NPAS3: variants seen among roughly 807,000 people sequenced by gnomAD.
The protein encoded by NPAS3 is neuronal PAS domain protein 3, also known as neuronal PAS domain-containing protein 3.
A neutral mutation model predicts 73.1 loss-of-function variants in NPAS3; 14 were observed. That is an observed-to-expected ratio of 0.19 (90% CI 0.13 to 0.30). The LOEUF (loss-of-function observed/expected upper bound fraction) is 0.30, where lower values mean the gene tolerates loss of function less well. Ranked by LOEUF, NPAS3 falls within the 10% of genes least tolerant of loss-of-function variation. The probability of loss-of-function intolerance (pLI) is 1.00; values close to 1 mark genes in which losing one functional copy is unlikely to be tolerated. For synonymous variants in NPAS3, 620 were observed against 541.5 expected, an observed-to-expected ratio of 1.14 and a Z score of -2.01; for missense variants, 1,096 against 1,250.0, an observed-to-expected ratio of 0.88 and a Z score of 1.86.
chr14:32,953,586 A>T (rs559422228), intron 1 of NPAS3, among the ~76,000 whole-genome samples: 2 of 152,234 alleles, frequency 1.3e-5, no homozygotes, highest in Non-Finnish European at 1.5e-5. Flanking sequence ...TATGTCAAGA[A>T]TTGTGAAGGA....
intron 3 of NPAS3, among the ~76,000 whole-genome samples, chr14:33,226,582 T>C (rs767516305): frequency 6.6e-6 from 1 of 152,184 alleles, no homozygotes; most frequent in African/African-American, 2.4e-5. Flanking sequence ...TATAACATAA[T>C]ATAATTTTCA....
chr14:33,680,223 A>T (rs1404862244), intron 6 of NPAS3, among the ~76,000 whole-genome samples: 1 of 152,164 alleles, frequency 6.6e-6, no homozygotes, highest in Non-Finnish European at 1.5e-5. Flanking sequence ...ATGCCTTTTA[A>T]ATGCTTAGTA....
intron 3 of NPAS3, among the ~76,000 whole-genome samples, chr14:33,349,071 T>C (rs1306967854): frequency 1.3e-5 from 2 of 152,176 alleles, no homozygotes; most frequent in East Asian, 3.9e-4. Flanking sequence ...GGGAGTTCTG[T>C]TGAGGACGGA....
At chr14:33,039,448 C>A (rs1049817470) in intron 1 of NPAS3, among the ~76,000 whole-genome samples, 1 of 152,140 alleles carries the variant, frequency 6.6e-6, no homozygotes, top group Non-Finnish European at 1.5e-5. Context: ...TTGCTCCCCA[C>A]CCCCTCTTGG....
chr14:33,563,805 A>G (rs2139774797), intron 5 of NPAS3, among the ~76,000 whole-genome samples: 1 of 152,260 alleles, frequency 6.6e-6, no homozygotes, highest in East Asian at 1.9e-4. Context: ...TCTAGCTATA[A>G]TGGAACAGGC....
At chr14:33,354,840 G>A (rs894363239) in intron 3 of NPAS3, among the ~76,000 whole-genome samples, 2 of 152,054 alleles carry the variant, frequency 1.3e-5, no homozygotes, top group Non-Finnish European at 2.9e-5. Context: ...CCCTCTCTAC[G>A]GTCTTACTTA....
chr14:33,708,121 C>T lies in NPAS3; in HGVS notation c.734-27093C>T, dbSNP rs80124985. Reference sequence around the variant, plus strand: ...CAGCTGGCCACCACCAGCACCTCACCGTGTTCATGGCTGCAGCAGCTGCCC... The same window carrying T: ...CAGCTGGCCACCACCAGCACCTCACTGTGTTCATGGCTGCAGCAGCTGCCC... On this transcript the variant is annotated intron_variant, in intron 6 of 11. Coordinates refer to ENST00000356141, the Ensembl canonical transcript of NPAS3. 4.2e-3 allele frequency among the ~76,000 whole-genome samples: 636 copies of T among 152,256 alleles called. 30 individuals are homozygous for T. In the East Asian group the frequency reaches 0.096, roughly 23 times the overall value.
At chr14:33,205,986 T>C (rs995304988) in intron 2 of NPAS3, among the ~76,000 whole-genome samples, 3 of 152,210 alleles carry the variant, frequency 2.0e-5, no homozygotes, top group Non-Finnish European at 4.4e-5. Flanking sequence ...TTGGGACTTA[T>C]AGCAATTAAC....
chr14:33,185,841 A>G (rs1262273492), intron 2 of NPAS3, among the ~76,000 whole-genome samples: 4 of 152,226 alleles, frequency 2.6e-5, no homozygotes, highest in Non-Finnish European at 4.4e-5. Context: ...GCTAAATAAT[A>G]CAACTGACTA....
intron 5 of NPAS3, chr14:33,585,918 T>C (rs1308502930): frequency 2.0e-5 from 3 of 152,122 alleles, no homozygotes; most frequent in Non-Finnish European, 4.4e-5. Context: ...TTTATGCCTT[T>C]TTAGTTTTAT....
intron 5 of NPAS3, among the ~76,000 whole-genome samples, chr14:33,614,381 A>AT (rs1230239706): frequency 1.3e-5 from 2 of 152,334 alleles, no homozygotes; most frequent in East Asian, 3.9e-4. Flanking sequence ...TGAGAACTAT[A>AT]TTTGTGTAGA....
At chr14:33,624,150 T>C (rs894099063) in intron 5 of NPAS3, among the ~76,000 whole-genome samples, 1 of 152,232 alleles carries the variant, frequency 6.6e-6, no homozygotes, top group African/African-American at 2.4e-5. Flanking sequence ...TACCATGTAA[T>C]TCAGTTATTG....
intron 4 of NPAS3, among the ~76,000 whole-genome samples, chr14:33,397,846 A>G (rs1215248888): frequency 1.3e-5 from 2 of 152,146 alleles, no homozygotes; most frequent in South Asian, 4.1e-4. Flanking sequence ...AAGGCACTTG[A>G]TCGGATGCTT....
At chr14:33,686,283 G>A (rs571318028) in intron 6 of NPAS3, among the ~76,000 whole-genome samples, 6 of 152,330 alleles carry the variant, frequency 3.9e-5, no homozygotes, top group South Asian at 4.1e-4. Flanking sequence ...GCAAAGGTGC[G>A]TGCTTGTCCA....
chr14:33,675,781 T>C (rs575273402), intron 5 of NPAS3, among the ~76,000 whole-genome samples: 16 of 152,256 alleles, frequency 1.1e-4, no homozygotes, highest in Middle Eastern at 3.2e-3. Context: ...AACACTCGAC[T>C]GCTATCTCTG....
intron 4 of NPAS3, among the ~76,000 whole-genome samples, chr14:33,494,926 A>T (rs1374510227): frequency 6.6e-6 from 1 of 152,048 alleles, no homozygotes; most frequent in Non-Finnish European, 1.5e-5. Flanking sequence ...GCCATGCACA[A>T]CCCGCAGAGT....
chr14:33,774,925 A>T (rs1027915862), intron 8 of NPAS3, among the ~76,000 whole-genome samples: 2 of 152,196 alleles, frequency 1.3e-5, no homozygotes, highest in Admixed American at 1.3e-4. Flanking sequence ...GTTCACACAG[A>T]CGCTAAGCAT....
chr14:33,650,425 TGAA>T (rs2058958153), intron 5 of NPAS3, among the ~76,000 whole-genome samples: 2 of 151,514 alleles, frequency 1.3e-5, no homozygotes, highest in African/African-American at 4.9e-5. Flanking sequence ...TCACCCCAAT[TGAA>T]GAAAAAAAAA....
chr14:33,159,626 T>C (rs1034710421), intron 2 of NPAS3, among the ~76,000 whole-genome samples: 1 of 148,188 alleles, frequency 6.7e-6, no homozygotes, highest in African/African-American at 2.5e-5. Flanking sequence ...CAATCTTGGC[T>C]CACCGCAAAC....
Sources: gnomAD v4.1 joint callset for allele counts (sites outside exome capture counted in the v4.1 genomes callset) on GRCh38, gnomAD v4.1.1 for gene constraint, MANE v1.5 for transcripts, NCBI Gene and HGNC (gene_info 2026-07-23, HGNC 2026-07-21) for gene names.